The following FRMD4A variants were observed in gnomAD, a reference collection of about 807,000 sequenced individuals.
FRMD4A encodes FERM domain containing 4A.
In FRMD4A, 29 loss-of-function variants were observed where a neutral mutation model predicts 129.1. The observed-to-expected ratio is 0.22, with a 90% CI of 0.17 to 0.31. The LOEUF (loss-of-function observed/expected upper bound fraction) is 0.31. Ranked by LOEUF, FRMD4A falls within the 10% of genes least tolerant of loss-of-function variation. The pLI, the probability that FRMD4A is intolerant of heterozygous loss-of-function variation, is 1.00. For synonymous variants in FRMD4A, 634 were observed against 571.6 expected (o/e 1.11, Z -1.56); for missense variants, 1,272 against 1,375.8 (o/e 0.92, Z 1.19).
intron 2 of FRMD4A, among the ~76,000 whole-genome samples, chr10:14,165,344 T>A (rs1215921737): frequency 6.6e-6 from 1 of 152,006 alleles, no homozygotes; most frequent in Non-Finnish European, 1.5e-5. Flanking sequence ...TGGTTACAAC[T>A]AAGAAGCCAA....
At chr10:14,227,888 TTC>T in intron 2 of FRMD4A, among the ~76,000 whole-genome samples, 1 of 152,246 alleles carries the variant, frequency 6.6e-6, no homozygotes, top group East Asian at 1.9e-4. Context: ...AATTTTTTTT[TTC>T]TTTTAACGGA....
chr10:14,303,054 C>T (rs113673445), intron 2 of FRMD4A, among the ~76,000 whole-genome samples: 10 of 152,180 alleles, frequency 6.6e-5, no homozygotes, highest in African/African-American at 2.4e-4. Context: ...CCAAAACTTG[C>T]CCTATAGCAG....
chr10:13,843,331 G>C (rs1433969387), intron 3 of FRMD4A, among the ~76,000 whole-genome samples: 3 of 152,152 alleles, frequency 2.0e-5, no homozygotes. Flanking sequence ...ATTTCAATCA[G>C]TCACCTTGAT....
intron 2 of FRMD4A, among the ~76,000 whole-genome samples, chr10:14,319,846 C>T (rs1846906422): frequency 6.6e-6 from 1 of 152,182 alleles, no homozygotes; most frequent in Non-Finnish European, 1.5e-5. Context: ...TCAGCACCTT[C>T]ACCTCTGTAG....
At chr10:14,013,383 A>T (rs902178987) in intron 2 of FRMD4A, among the ~76,000 whole-genome samples, 3 of 152,102 alleles carry the variant, frequency 2.0e-5, no homozygotes, top group African/African-American at 7.2e-5. Context: ...GGACATGCAC[A>T]AGGGGTGTCT....
intron 13 of FRMD4A, among the ~76,000 whole-genome samples, chr10:13,706,688 G>C (rs974906804): frequency 1.4e-4 from 22 of 151,732 alleles, no homozygotes; most frequent in Admixed American, 1.3e-3. Flanking sequence ...ACTGGTGTGT[G>C]TTACAAAGTG....
intron 2 of FRMD4A, among the ~76,000 whole-genome samples, chr10:14,155,782 T>C (rs938367187): frequency 6.6e-6 from 1 of 152,162 alleles, no homozygotes. Context: ...CATCAAGTAA[T>C]CTCTCTTTAC....
At chr10:13,730,961 G>C (rs2090282166) in intron 12 of FRMD4A, among the ~76,000 whole-genome samples, 1 of 151,514 alleles carries the variant, frequency 6.6e-6, no homozygotes, top group Non-Finnish European at 1.5e-5. Context: ...CCAGGAGGCA[G>C]AGGTTGCAGT....
intron 2 of FRMD4A, among the ~76,000 whole-genome samples, chr10:14,303,966 G>T (rs974219960): frequency 3.9e-5 from 6 of 152,128 alleles, no homozygotes; most frequent in African/African-American, 1.2e-4. Flanking sequence ...TGTAAGAGTT[G>T]TCTTTCTTTT....
At position 14,119,930 on chromosome 10, in the gene FRMD4A, A is replaced by C. The variant is rs11258875; in HGVS notation, c.45+210128T>G. On this transcript the variant is annotated intron_variant, in intron 2 of 24. Coordinates refer to ENST00000357447, the MANE Select transcript of FRMD4A (RefSeq NM_018027.5). The stretch of plus-strand genomic sequence containing the variant: ...TATAAAATATGGGTTAATTTGAAGC[A>C]GCTTGCACCTTGATTCTTGCAGACT... Among the ~76,000 whole-genome samples the C allele has an allele frequency of 8.9e-3, 1,349 of 151,896 alleles. 15 individuals are homozygous for C. Among genetic ancestry groups the C allele is most frequent in the African/African-American group, 0.031 (1,280 of 41,432 alleles).
At chr10:13,943,642 G>T (rs2095309508) in intron 2 of FRMD4A, among the ~76,000 whole-genome samples, 1 of 52,500 alleles carries the variant, frequency 1.9e-5, no homozygotes, top group African/African-American at 8.4e-5. Flanking sequence ...GCAAGACTCT[G>T]TCTCAAAAAA....
chr10:14,203,855 G>A (rs985544351), intron 2 of FRMD4A, among the ~76,000 whole-genome samples: 2 of 152,238 alleles, frequency 1.3e-5, no homozygotes, highest in Admixed American at 1.3e-4. Context: ...TGTGCCTAAA[G>A]TTATTCCAGC....
chr10:13,663,968 G>T (rs1213905349), intron 18 of FRMD4A, among the ~76,000 whole-genome samples: 3 of 152,222 alleles, frequency 2.0e-5, no homozygotes, highest in Non-Finnish European at 2.9e-5. Context: ...AATAAACTTT[G>T]TAAGTCATTA....
chr10:14,189,771 T>A (rs1325702729), intron 2 of FRMD4A, among the ~76,000 whole-genome samples: 2 of 152,182 alleles, frequency 1.3e-5, no homozygotes, highest in African/African-American at 4.8e-5. Context: ...TGACTGCCAC[T>A]GAAAAACAGC....
chr10:13,674,793 T>G, intron 16 of FRMD4A, 118 bp downstream of exon 16: 3 of 1,159,994 alleles, frequency 2.6e-6, no homozygotes, highest in Non-Finnish European at 3.8e-6. Flanking sequence ...CCTTGCCTTC[T>G]GTCAAAACGA....
At chr10:14,167,733 G>A (rs956245050) in intron 2 of FRMD4A, among the ~76,000 whole-genome samples, 2 of 152,016 alleles carry the variant, frequency 1.3e-5, no homozygotes, top group African/African-American at 4.8e-5. Flanking sequence ...TTTCCCAGAG[G>A]ATGTGGCATC....
chr10:13,706,914 G>A (rs975420522), intron 13 of FRMD4A, 123 bp downstream of exon 13: 3 of 619,586 alleles, frequency 4.8e-6, no homozygotes, highest in African/African-American at 1.8e-5. Flanking sequence ...CATTCCCCAG[G>A]AGCCCCCACC....
rs57865883 is a variant in FRMD4A at position 13,912,520 on chromosome 10, A to ATT, written c.46-53610_46-53609dup. Reference sequence around the variant, plus strand: ...AAATGTGATGTATCCACATAATAGAATTTTTTTTTTTTTTTTTTTTTTTTT... The same window carrying ATT: ...AAATGTGATGTATCCACATAATAGAATTTTTTTTTTTTTTTTTTTTTTTTTTT... On this transcript the variant is annotated intron_variant, in intron 2 of 24. Coordinates refer to ENST00000357447, the MANE Select transcript of FRMD4A (RefSeq NM_018027.5). Among the ~76,000 whole-genome samples the ATT allele has an allele frequency of 8.8e-4, 111 of 126,192 alleles. 3 individuals carry two copies. Among genetic ancestry groups the ATT allele is most frequent in the African/African-American group, 3.0e-3 (103 of 33,908 alleles). The allele number at this position is 126,192 out of a possible 152,430, so 82.8% of individuals were successfully genotyped here. A position where few individuals can be genotyped will look rare whatever the true frequency, so the allele number is the denominator to read the frequency against.
intron 15 of FRMD4A, among the ~76,000 whole-genome samples, chr10:13,688,402 G>T (rs1168323833): frequency 6.6e-6 from 1 of 152,078 alleles, no homozygotes. Flanking sequence ...TGTGGGGTGG[G>T]GGACAGGGGG....
Sources: allele counts gnomAD v4.1 joint callset (sites outside exome capture counted in the v4.1 genomes callset), GRCh38; gene constraint gnomAD v4.1.1; transcripts MANE v1.5; gene names NCBI Gene and HGNC (gene_info 2026-07-23, HGNC 2026-07-21).